Variants in GRM5 observed in about 807,000 individuals in gnomAD.
GRM5 encodes metabotropic glutamate receptor 5.
A neutral mutation model predicts 83.1 loss-of-function variants in GRM5; 19 were observed. The observed-to-expected ratio is 0.23, with a 90% CI of 0.16 to 0.34. The LOEUF is 0.34. Ranked by LOEUF, GRM5 falls within the 10% of genes least tolerant of loss-of-function variation. The pLI is 1.00. For missense variants in GRM5, 1,160 were observed against 1,588.3 expected, an observed-to-expected ratio of 0.73 and a Z score of 4.58; for synonymous variants, 675 against 633.6, an observed-to-expected ratio of 1.07 and a Z score of -0.98.
At chr11:88,690,071 C>T (rs112696011) in intron 3 of GRM5, among the ~76,000 whole-genome samples, 15 of 152,096 alleles carry the variant, frequency 9.9e-5, no homozygotes, top group Admixed American at 5.2e-4. Context: ...GCAAGGGAGG[C>T]GCTGATAAAA....
At chr11:88,893,893 A>G (rs1324502596) in intron 2 of GRM5, among the ~76,000 whole-genome samples, 5 of 151,994 alleles carry the variant, frequency 3.3e-5, no homozygotes, top group African/African-American at 1.2e-4. Context: ...TTAAGAAGAA[A>G]TCACTTAGGC....
At chr11:89,049,464 A>G (rs1336629433) in intron 1 of GRM5, among the ~76,000 whole-genome samples, 6 of 152,164 alleles carry the variant, frequency 3.9e-5, no homozygotes, top group African/African-American at 1.4e-4. Context: ...CTAAGCACCA[A>G]CTTTCAAATA....
At chr11:88,900,671 C>T (rs1044361148) in intron 2 of GRM5, among the ~76,000 whole-genome samples, 34 of 152,056 alleles carry the variant, frequency 2.2e-4, no homozygotes, top group Non-Finnish European at 7.4e-5. Flanking sequence ...AGATCATCTA[C>T]TGTATATTAG....
intron 3 of GRM5, among the ~76,000 whole-genome samples, chr11:88,724,869 G>GC (rs1941637501): frequency 6.6e-6 from 1 of 152,104 alleles, no homozygotes; most frequent in African/African-American, 2.4e-5. Flanking sequence ...GTGGATTCTG[G>GC]CCCAGATACT....
intron 3 of GRM5, among the ~76,000 whole-genome samples, chr11:88,710,680 G>A (rs1226312401): frequency 6.6e-6 from 1 of 151,962 alleles, no homozygotes; most frequent in African/African-American, 2.4e-5. Context: ...AAAATATTGA[G>A]ATCTATTATA....
At chr11:88,894,645 C>T (rs1945201911) in intron 2 of GRM5, among the ~76,000 whole-genome samples, 1 of 142,540 alleles carries the variant, frequency 7.0e-6, no homozygotes, top group Non-Finnish European at 1.5e-5. Context: ...TCGGTTTTAT[C>T]TTCACTGCTT....
At position 88,875,740 on chromosome 11, in the gene GRM5, T is replaced by C. The variant is rs150960563; in HGVS notation, c.662-25585A>G. ...TTAGCAGGCATGAAAACAACATTAA[T>C]CTCCTTATAATTTTTCATCAGAGCT... On this transcript the variant is annotated intron_variant, in intron 2 of 9. Coordinates refer to ENST00000305447, the MANE Select transcript of GRM5 (RefSeq NM_001143831.3). Among the ~76,000 whole-genome samples, 27 of 152,178 alleles carry C rather than the reference T, an allele frequency of 1.8e-4. No homozygotes were observed. The East Asian group carries it at 5.2e-3, about 29-fold the overall frequency.
chr11:88,945,535 C>A (rs1223180686), intron 2 of GRM5, among the ~76,000 whole-genome samples: 3 of 151,978 alleles, frequency 2.0e-5, no homozygotes, highest in African/African-American at 7.2e-5. Flanking sequence ...GGTACTTGTA[C>A]AAACACAGGG....
intron 7 of GRM5, among the ~76,000 whole-genome samples, chr11:88,574,985 C>CTTTTTTTTTTTTTTTT (rs796257304): frequency 1.2e-4 from 14 of 116,174 alleles, no homozygotes; most frequent in African/African-American, 4.5e-4. Context: ...CTTTTCTTTT[C>CTTTTTTTTTTTTTTTT]TTTTTTTTTT....
At chr11:89,045,983 A>AT (rs1416721788) in intron 2 of GRM5, among the ~76,000 whole-genome samples, 1 of 151,994 alleles carries the variant, frequency 6.6e-6, no homozygotes, top group Non-Finnish European at 1.5e-5. Context: ...GGAGGAGGTG[A>AT]TTTTTTTCTC....
chr11:88,552,735 T>C (rs1461243938), intron 8 of GRM5, among the ~76,000 whole-genome samples: 1 of 152,152 alleles, frequency 6.6e-6, no homozygotes, highest in Admixed American at 6.5e-5. Context: ...GATTCTTCTC[T>C]AGCATTACTG....
chr11:89,039,280 T>A (rs11018438), intron 2 of GRM5, among the ~76,000 whole-genome samples: 49,818 of 111,602 alleles, frequency 0.45, 8,495 homozygotes, highest in East Asian at 0.51. Flanking sequence ...AAAAAAAAAA[T>A]ATATATATAT....
chr11:89,058,168 T>C (rs927943218), intron 1 of GRM5, among the ~76,000 whole-genome samples: 2 of 152,224 alleles, frequency 1.3e-5, no homozygotes, highest in African/African-American at 2.4e-5. Context: ...TAAATTCTTA[T>C]GTAACGTACA....
chr11:88,844,723 C>A (rs1565258246), intron 3 of GRM5, among the ~76,000 whole-genome samples: 1 of 152,174 alleles, frequency 6.6e-6, no homozygotes, highest in Non-Finnish European at 1.5e-5. Context: ...GTAAAAATAT[C>A]AGCAACAGGA....
At chr11:88,927,835 T>A in intron 2 of GRM5, among the ~76,000 whole-genome samples, 1 of 152,158 alleles carries the variant, frequency 6.6e-6, no homozygotes, top group East Asian at 1.9e-4. Flanking sequence ...TTTAGGACAT[T>A]ATTAATAGCT....
intron 2 of GRM5, among the ~76,000 whole-genome samples, chr11:88,862,015 A>G (rs1315695777): frequency 6.6e-6 from 1 of 152,148 alleles, no homozygotes; most frequent in African/African-American, 2.4e-5. Flanking sequence ...TCATAAGTAA[A>G]TTACTGAGCA....
chr11:88,596,914 C>T (rs942952876), intron 6 of GRM5, among the ~76,000 whole-genome samples: 1 of 151,872 alleles, frequency 6.6e-6, no homozygotes, highest in African/African-American at 2.4e-5. Context: ...TAACTGTAAA[C>T]TTTATTCCCA....
At chr11:88,607,274 T>C (rs1242348516) in intron 4 of GRM5, among the ~76,000 whole-genome samples, 3 of 152,236 alleles carry the variant, frequency 2.0e-5, no homozygotes, top group Non-Finnish European at 4.4e-5. Flanking sequence ...TCCATTATTC[T>C]AGTTGCCAAG....
intron 3 of GRM5, among the ~76,000 whole-genome samples, chr11:88,665,905 A>G (rs1040929074): frequency 2.6e-5 from 4 of 152,120 alleles, no homozygotes; most frequent in Non-Finnish European, 5.9e-5. Flanking sequence ...AGTATGTGAC[A>G]ATTCATTGAA....
Sources: gnomAD v4.1 joint callset for allele counts (sites outside exome capture counted in the v4.1 genomes callset) on GRCh38, gnomAD v4.1.1 for gene constraint, MANE v1.5 for transcripts, NCBI Gene and HGNC (gene_info 2026-07-23, HGNC 2026-07-21) for gene names.